The following DENND1A variants were observed in gnomAD, a reference collection of about 807,000 sequenced individuals.
The protein encoded by DENND1A is DENN domain containing 1A, also known as DENN domain-containing protein 1A.
A neutral mutation model predicts 113.7 loss-of-function variants in DENND1A; 51 were observed. The observed-to-expected ratio is 0.45, with a 90% CI of 0.36 to 0.57. The LOEUF (loss-of-function observed/expected upper bound fraction) is 0.57. Among genes scored for constraint, DENND1A ranks in the 20% least tolerant of loss-of-function variants. DENND1A has a pLI of 0.00. For missense variants in DENND1A, 1,258 were observed against 1,395.9 expected (o/e 0.90, Z 1.57); for synonymous variants, 565 against 570.8 (o/e 0.99, Z 0.14).
intron 5 of DENND1A, among the ~76,000 whole-genome samples, chr9:123,737,937 G>A (rs1589871581): frequency 1.3e-5 from 2 of 152,170 alleles, no homozygotes; most frequent in South Asian, 4.1e-4. Flanking sequence ...ATATCCTTCT[G>A]GGAAATTTAT....
At chr9:123,812,874 T>C (rs1275424480) in intron 2 of DENND1A, among the ~76,000 whole-genome samples, 2 of 152,206 alleles carry the variant, frequency 1.3e-5, no homozygotes, top group African/African-American at 2.4e-5. Context: ...TTGTTAATAG[T>C]TCTTTTTTGC....
At chr9:123,401,330 G>A (rs2043444440) in intron 21 of DENND1A, 2 of 245,142 alleles carry the variant, frequency 8.2e-6, no homozygotes, top group Non-Finnish European at 1.4e-5. Context: ...TTTGGAAGGG[G>A]CGGAGCACAG....
chr9:123,602,109 T>C (rs747356028), intron 11 of DENND1A, among the ~76,000 whole-genome samples: 1 of 152,180 alleles, frequency 6.6e-6, no homozygotes, highest in Non-Finnish European at 1.5e-5. Flanking sequence ...CTGAGGGGGA[T>C]TGGTTCCAGG....
intron 11 of DENND1A, among the ~76,000 whole-genome samples, chr9:123,607,098 T>G (rs2060188602): frequency 6.6e-6 from 1 of 152,094 alleles, no homozygotes; most frequent in South Asian, 2.1e-4. Context: ...CCTCAAGTAT[T>G]ATGTAGCCCA....
intron 1 of DENND1A, among the ~76,000 whole-genome samples, chr9:123,913,509 G>A (rs1156272919): frequency 6.6e-6 from 1 of 151,792 alleles, no homozygotes; most frequent in East Asian, 1.9e-4. Flanking sequence ...TTTCAAGTGT[G>A]GAAAAAAATT....
chr9:123,797,046 C>T (rs868559460), intron 2 of DENND1A, among the ~76,000 whole-genome samples: 92 of 152,206 alleles, frequency 6.0e-4, no homozygotes, highest in Middle Eastern at 6.8e-3. Context: ...GTTAGGTATT[C>T]AAGGCAGAAA....
chr9:123,737,367 T>G (rs980281714), intron 5 of DENND1A, among the ~76,000 whole-genome samples: 1 of 152,098 alleles, frequency 6.6e-6, no homozygotes, highest in Non-Finnish European at 1.5e-5. Context: ...GGCTAATTTT[T>G]TGTAAACATG....
At chr9:123,753,591 TG>T (rs2070258662) in intron 5 of DENND1A, among the ~76,000 whole-genome samples, 1 of 152,244 alleles carries the variant, frequency 6.6e-6, no homozygotes, top group African/African-American at 2.4e-5. Flanking sequence ...CCATGACACC[TG>T]TCCTCTCATT....
At chr9:123,807,477 G>A (rs998918669) in intron 2 of DENND1A, among the ~76,000 whole-genome samples, 44 of 152,022 alleles carry the variant, frequency 2.9e-4, no homozygotes, top group Admixed American at 2.9e-3. Context: ...TCTCGTCTTC[G>A]ACTGTTAATT....
intron 2 of DENND1A, among the ~76,000 whole-genome samples, chr9:123,795,632 G>A (rs1041063841): frequency 1.3e-5 from 2 of 152,050 alleles, no homozygotes; most frequent in African/African-American, 4.8e-5. Context: ...AAATGGTCTG[G>A]GAACATTTTA....
At position 123,608,478 on chromosome 9, in the gene DENND1A, C is replaced by T. The variant is rs144242044; in HGVS notation, c.765+958G>A. Among the ~76,000 whole-genome samples, 395 of 152,236 alleles carry T rather than the reference C, an allele frequency of 2.6e-3. 1 individual carries two copies. Among genetic ancestry groups the T allele is most frequent in the African/African-American group, 8.3e-3 (346 of 41,540 alleles). On this transcript the variant is annotated intron_variant, in intron 11 of 23. Transcript: ENST00000394215. ...GCAACACAGGCAAGCACCCTCCCCACGCCTCATTTTGCTCTAGTACAAATT... is the reference window on the plus strand; with the variant it reads ...GCAACACAGGCAAGCACCCTCCCCATGCCTCATTTTGCTCTAGTACAAATT...
chr9:123,929,687 C>G (rs1857685258), intron 1 of DENND1A, among the ~76,000 whole-genome samples: 1 of 152,032 alleles, frequency 6.6e-6, no homozygotes, highest in African/African-American at 2.4e-5. Flanking sequence ...TGACCCCCGG[C>G]GCCCTGCCAC....
At chr9:123,583,307 G>A (rs2059010893) in intron 11 of DENND1A, 37 bp from the exon 12 acceptor site, 2 of 1,523,228 alleles carry the variant, frequency 1.3e-6, no homozygotes, top group Non-Finnish European at 1.8e-6. Flanking sequence ...GAAGGTCATT[G>A]AGGTGCCATC....
intron 2 of DENND1A, among the ~76,000 whole-genome samples, chr9:123,863,185 T>C (rs1214502087): frequency 6.6e-6 from 1 of 152,176 alleles, no homozygotes; most frequent in Non-Finnish European, 1.5e-5. Context: ...TTGCTTACTT[T>C]GAATTACGAA....
intron 21 of DENND1A, among the ~76,000 whole-genome samples, chr9:123,389,875 G>A (rs2042751562): frequency 6.6e-6 from 1 of 152,218 alleles, no homozygotes; most frequent in African/African-American, 2.4e-5. Context: ...ATGCACTGCT[G>A]AGCGGCCGTG....
chr9:123,764,726 AGAAG>A lies in DENND1A; in HGVS notation c.182+4784_182+4787del. Among the ~76,000 whole-genome samples, 1 of 152,244 alleles carries A rather than the reference AGAAG, an allele frequency of 6.6e-6. No individual in the cohort carries two copies. Among genetic ancestry groups the A allele is most frequent in the East Asian group, 1.9e-4 (1 of 5,206 alleles). ...TGCAGAATTTAAAAGTATCAAAAGC[AGAAG>A]GAACAGCAGAGATTGATGGAATCCA... On this transcript the variant is annotated intron_variant, in intron 4 of 23. Transcript: ENST00000394215. This position sits in a 1 kb window ranked among gnomAD's most constrained non-coding sequence, Gnocchi z 4.1.
chr9:123,407,968 G>A (rs2044009309), intron 20 of DENND1A, among the ~76,000 whole-genome samples: 1 of 152,178 alleles, frequency 6.6e-6, no homozygotes, highest in African/African-American at 2.4e-5. Context: ...GGAGACACTG[G>A]CATGGTTTTC....
chr9:123,614,083 C>T (rs1041373058), intron 10 of DENND1A, among the ~76,000 whole-genome samples: 3 of 152,172 alleles, frequency 2.0e-5, no homozygotes, highest in African/African-American at 7.2e-5. Context: ...ATGCATTACA[C>T]ACATAATGCT....
chr9:123,534,419 T>C (rs2055565368), intron 13 of DENND1A, among the ~76,000 whole-genome samples: 1 of 152,232 alleles, frequency 6.6e-6, no homozygotes, highest in South Asian at 2.1e-4. Flanking sequence ...TAATATTTCA[T>C]CACGTAAATA....
Sources: gnomAD v4.1 joint callset for allele counts (sites outside exome capture counted in the v4.1 genomes callset) on GRCh38, gnomAD v4.1.1 for gene constraint, Gnocchi (gnomAD v3.1) non-coding constraint, MANE v1.5 for transcripts, NCBI Gene and HGNC (gene_info 2026-07-23, HGNC 2026-07-21) for gene names.